SNX10: variants seen among roughly 807,000 people sequenced by gnomAD.
SNX10 encodes sorting nexin-10.
SNX10 carries 25 observed loss-of-function variants against 28.5 expected under a neutral mutation model. The ratio of observed to expected loss-of-function variants is 0.88; its 90% CI spans 0.64 to 1.22. The LOEUF (loss-of-function observed/expected upper bound fraction) is 1.22, where lower values mean the gene tolerates loss of function less well. Ranked by LOEUF, SNX10 falls within the 50% of genes most tolerant of loss-of-function variation. The probability of loss-of-function intolerance (pLI) is 0.00; values close to 1 mark genes in which losing one functional copy is unlikely to be tolerated. For synonymous variants in SNX10, 62 were observed against 81.4 expected (o/e 0.76, Z 1.28); for missense variants, 223 against 242.6 (o/e 0.92, Z 0.54).
At chr7:26,307,365 C>A (rs1235714666) in intron 1 of SNX10, among the ~76,000 whole-genome samples, 2 of 152,194 alleles carry the variant, frequency 1.3e-5, no homozygotes, top group African/African-American at 2.4e-5. Flanking sequence ...CACCAGTCTT[C>A]TTCCAGTCAC....
At chr7:26,360,021 A>G (rs1789003607) in intron 2 of SNX10, among the ~76,000 whole-genome samples, 2 of 152,204 alleles carry the variant, frequency 1.3e-5, no homozygotes, top group African/African-American at 4.8e-5. Flanking sequence ...AAAATTATCT[A>G]CTGTATATGA....
At chr7:26,355,058 G>A (rs1788765166) in intron 2 of SNX10, among the ~76,000 whole-genome samples, 1 of 152,116 alleles carries the variant, frequency 6.6e-6, no homozygotes, top group African/African-American at 2.4e-5. Flanking sequence ...GCCTGTGGAT[G>A]TCCAGTTGTT....
intron 1 of SNX10, among the ~76,000 whole-genome samples, chr7:26,341,202 G>T (rs985224088): frequency 6.6e-6 from 1 of 152,174 alleles, no homozygotes; most frequent in Non-Finnish European, 1.5e-5. Flanking sequence ...GGGAGGCTGA[G>T]GTGGGAGGAT....
chr7:26,351,949 C>A (rs2128015673), intron 2 of SNX10, among the ~76,000 whole-genome samples: 1 of 152,082 alleles, frequency 6.6e-6, no homozygotes, highest in Non-Finnish European at 1.5e-5. Context: ...AGCCACTGTG[C>A]CCGACCAGCA....
rs570379033 is a variant in SNX10, at chr7:26,373,599, A to C, written c.*1027A>C. 34 of 151,828 alleles carry C rather than the reference A, an allele frequency of 2.2e-4. No individual in the cohort carries two copies. Among genetic ancestry groups the C allele is most frequent in the Non-Finnish European group, 4.1e-4 (28 of 67,814 alleles). 9.4% of individuals were successfully genotyped at this position (151,828 alleles called of 1,614,324 possible). On this transcript the variant is annotated 3_prime_UTR_variant, in exon 7 of 7. Coordinates refer to ENST00000338523, the MANE Select transcript of SNX10 (RefSeq NM_013322.3). This position sits in a 1 kb window ranked among gnomAD's most constrained non-coding sequence, Gnocchi z 4.2. The stretch of plus-strand genomic sequence containing the variant: ...ATTTTCATAAAATGTCTTTTTTTTT[A>C]GTGTCCCAAAGATATCTTAGATAAA...
In SNX10 at chr7:26,365,134, T is replaced by G; in HGVS notation, c.300T>G (p.Asp100Glu). Residue 100 changes from aspartate to glutamate, a missense_variant, in exon 5 of 7, where the codon GAT (aspartate) becomes GAG (glutamate). Coordinates refer to ENST00000338523, the MANE Select transcript of SNX10 (RefSeq NM_013322.3). ...ATCAGCGTCGCCAGGGTCTGGAAGA[T>G]TTCCTCAGAAAGTGAGTGTCCAGAA... is the stretch of plus-strand genomic sequence containing the variant. ...HVDQRRQGLE[D>E]FLRKVLQNAL... is the part of the protein sequence containing the mutation. 1 of 1,608,586 alleles carries G rather than the reference T, an allele frequency of 6.2e-7. No individual in the cohort carries two copies. The highest frequency in any genetic ancestry group is 1.1e-5 in the South Asian group (1 of 90,950).
At chr7:26,350,763 C>T (rs1413173346) in intron 2 of SNX10, among the ~76,000 whole-genome samples, 1 of 133,962 alleles carries the variant, frequency 7.5e-6, no homozygotes, top group Non-Finnish European at 1.5e-5. Flanking sequence ...GTTAAGTTTC[C>T]ATAAGAGGCA....
chr7:26,318,864 G>T (rs1787196753), intron 1 of SNX10, among the ~76,000 whole-genome samples: 1 of 152,128 alleles, frequency 6.6e-6, no homozygotes, highest in African/African-American at 2.4e-5. Flanking sequence ...GTAGCTGTAT[G>T]AAAGAGTCAC....
chr7:26,316,797 C>T (rs1444483508), intron 1 of SNX10, among the ~76,000 whole-genome samples: 1 of 152,148 alleles, frequency 6.6e-6, no homozygotes, highest in African/African-American at 2.4e-5. Flanking sequence ...CAGTGCAGTG[C>T]CCTAAGCTGC....
chr7:26,305,024 T>G (rs1786530470), intron 1 of SNX10, among the ~76,000 whole-genome samples: 1 of 152,236 alleles, frequency 6.6e-6, no homozygotes, highest in Non-Finnish European at 1.5e-5. Flanking sequence ...GTGCTTTCTT[T>G]TTTACCTTGG....
intron 1 of SNX10, among the ~76,000 whole-genome samples, chr7:26,332,861 G>A (rs899751016): frequency 5.9e-5 from 9 of 152,162 alleles, no homozygotes; most frequent in African/African-American, 2.2e-4. Context: ...CGGTGCCCTT[G>A]TTGGGGAAAT....
chr7:26,372,064 T>C (rs771467083), intron 6 of SNX10, 31 bp downstream of exon 6: 3 of 1,395,634 alleles, frequency 2.1e-6, no homozygotes, highest in Non-Finnish European at 2.0e-6. Context: ...TTAATGTATA[T>C]GTATTTATAT....
chr7:26,337,713 T>C (rs978460638), intron 1 of SNX10, among the ~76,000 whole-genome samples: 1 of 152,252 alleles, frequency 6.6e-6, no homozygotes, highest in Admixed American at 6.5e-5. Context: ...TTACATTTCA[T>C]TGATGGACAC....
At chr7:26,366,359 C>T (rs1424931453) in intron 5 of SNX10, among the ~76,000 whole-genome samples, 1 of 152,106 alleles carries the variant, frequency 6.6e-6, no homozygotes, top group Non-Finnish European at 1.5e-5. Flanking sequence ...TAGAGGCATA[C>T]AGAAAGATCC....
At chr7:26,300,979 A>T (rs1233661854) in intron 1 of SNX10, among the ~76,000 whole-genome samples, 2 of 131,950 alleles carry the variant, frequency 1.5e-5, no homozygotes, top group Non-Finnish European at 3.1e-5. Context: ...AGATTGTACC[A>T]CTGCACTCCA....
At position 26,338,880 on chromosome 7, in the gene SNX10, G is replaced by C. The variant is rs372518811; in HGVS notation, c.-23-7540G>C. Among the ~76,000 whole-genome samples the C allele has an allele frequency of 1.2e-4, 19 of 152,316 alleles. No individual in the cohort carries two copies. In the East Asian group the frequency reaches 2.3e-3, roughly 19 times the overall value. ...CAGATTACCACTCTGGGTGATATCA[G>C]CTGATCCTTCCAGTGCAGTTGCAGG... On this transcript the variant is annotated intron_variant, in intron 1 of 6. Coordinates refer to ENST00000338523, the MANE Select transcript of SNX10 (RefSeq NM_013322.3).
intron 5 of SNX10, among the ~76,000 whole-genome samples, chr7:26,365,617 AGTATTT>A (rs1267617678): frequency 1.3e-5 from 2 of 152,094 alleles, no homozygotes; most frequent in Non-Finnish European, 2.9e-5. Flanking sequence ...TTTATAAAGG[AGTATTT>A]GGTGGCGTGT....
chr7:26,324,354 T>G (rs1787422432), intron 1 of SNX10, among the ~76,000 whole-genome samples: 1 of 152,196 alleles, frequency 6.6e-6, no homozygotes, highest in African/African-American at 2.4e-5. Flanking sequence ...TAATTTATTA[T>G]GGAAATAATG....
At chr7:26,342,172 A>G (rs1389730894) in intron 1 of SNX10, among the ~76,000 whole-genome samples, 1 of 151,874 alleles carries the variant, frequency 6.6e-6, no homozygotes, top group African/African-American at 2.4e-5. Context: ...GATTATAGGC[A>G]TGTGCCACCA....
Sources: allele counts gnomAD v4.1 joint callset (sites outside exome capture counted in the v4.1 genomes callset), GRCh38; gene constraint gnomAD v4.1.1; non-coding constraint Gnocchi (gnomAD v3.1); transcripts MANE v1.5; gene names NCBI Gene and HGNC (gene_info 2026-07-23, HGNC 2026-07-21).